Variants in OGDHL observed in about 807,000 individuals in gnomAD.
OGDHL encodes 2-oxoglutarate dehydrogenase-like, mitochondrial.
A neutral mutation model predicts 109.6 loss-of-function variants in OGDHL; 79 were observed. The ratio of observed to expected loss-of-function variants is 0.72; its 90% confidence interval spans 0.60 to 0.87. The LOEUF (loss-of-function observed/expected upper bound fraction) is 0.87. Ranked by LOEUF, OGDHL falls within the 40% of genes least tolerant of loss-of-function variation. The pLI is 0.00. For synonymous variants in OGDHL, 528 were observed against 537.2 expected (o/e 0.98, Z 0.24); for missense variants, 1,275 against 1,362.2 (o/e 0.94, Z 1.01).
rs961319862 is a variant in OGDHL at position 49,749,609 on chromosome 10, C to T, written c.987+117G>A. ...CCAGCCTCTCTCCTGCAGGCTTCTC[C>T]AATGCATCCATCTTAAGGTTTATCT... On this transcript the variant is annotated intron_variant, in intron 8 of 22. Coordinates refer to ENST00000374103, the MANE Select transcript of OGDHL (RefSeq NM_018245.3). 3.0e-5 allele frequency: 26 copies of T among 857,334 alleles called. No individual in the cohort carries two copies. The African/African-American group carries it at 4.1e-4, about 13-fold the overall frequency. 53.1% of individuals were successfully genotyped at this position (857,334 alleles called of 1,614,324 possible).
intron 15 of OGDHL, among the ~76,000 whole-genome samples, chr10:49,741,699 A>C (rs547856606): frequency 6.7e-4 from 100 of 148,894 alleles, no homozygotes; most frequent in Non-Finnish European, 1.2e-3. Flanking sequence ...ACACATCCCC[A>C]CACACCAAAC....
Position 49,756,909 on chromosome 10 carries a change from G to C in OGDHL, c.242C>G (p.Ala81Gly). 1 of 1,613,758 alleles carries C rather than the reference G, an allele frequency of 6.2e-7. No homozygotes were observed. Among genetic ancestry groups the C allele is most frequent in the Non-Finnish European group, 8.5e-7 (1 of 1,179,856 alleles). Residue 81 changes from alanine to glycine, a missense_variant, in exon 3 of 23, where the codon GCC (alanine) becomes GGC (glycine). By Grantham distance (60) the Ala-to-Gly change is moderately conservative. Transcript: ENST00000374103. ...DSFFREASEE[A>G]FSGSAQPRPP... ...CCGTGGCTGAGCAGAGCCAGAAAAG[G>C]CTTCCTCGCTGGCTTCCCTGAAGAA... is the stretch of plus-strand genomic sequence containing the variant.
At chr10:49,749,597 T>C in intron 8 of OGDHL, 129 bp downstream of exon 8, 1 of 780,170 alleles carries the variant, frequency 1.3e-6, no homozygotes, top group Non-Finnish European at 2.0e-6. Flanking sequence ...GCCTCTCTCC[T>C]GCAGGCTTCT....
At chr10:49,740,481 C>A (rs1258260) in intron 16 of OGDHL, among the ~76,000 whole-genome samples, 1 of 151,870 alleles carries the variant, frequency 6.6e-6, no homozygotes, top group Non-Finnish European at 1.5e-5. Context: ...CCCCTCAAGG[C>A]AAGGAGGTCC....
chr10:49,744,265 C>G (rs1315401889), intron 13 of OGDHL, 143 bp from the exon 14 acceptor site: 20 of 1,062,598 alleles, frequency 1.9e-5, no homozygotes, highest in Non-Finnish European at 2.1e-5. Context: ...ACCCTTGGGA[C>G]CTGGGACAGC....
At chr10:49,741,503 G>A (rs922627121) in intron 15 of OGDHL, among the ~76,000 whole-genome samples, 3 of 152,066 alleles carry the variant, frequency 2.0e-5, no homozygotes, top group African/African-American at 7.3e-5. Flanking sequence ...AGCGGACTGA[G>A]GCAGGATCTA....
intron 15 of OGDHL, among the ~76,000 whole-genome samples, chr10:49,742,389 C>CAAATACACCTACACACACATCACACA (rs138962561): frequency 2.1e-3 from 2 of 950 alleles, no homozygotes; most frequent in South Asian, 0.025. Context: ...ACACACCACA[C>CAAATACACCTACACACACATCACACA]CCCCACACAC....
chr10:49,755,529 T>C (rs12778126), intron 3 of OGDHL, among the ~76,000 whole-genome samples: 1,841 of 152,292 alleles, frequency 0.012, 28 homozygotes, highest in Non-Finnish European at 0.017. Context: ...CTGCCTTTTA[T>C]ATGTTTGAAA....
Position 49,735,293 on chromosome 10 carries a change from C to G in OGDHL, c.2968G>C (p.Val990Leu), listed in dbSNP as rs143147043. The G allele has an allele frequency of 3.0e-5, 49 of 1,614,160 alleles. No homozygotes were observed. In the African/African-American group the frequency reaches 6.1e-4, roughly 20 times the overall value. ...GTATCCAGAAACTTCTTCAGTGACA[C>G]CAGGTGAGTGTTCCTGTTTCCTGTG... ...PATGNRNTHL[V>L]SLKKFLDTAF... The change falls in exon 23 of 23, where the codon GTG becomes CTG. Residue 990 changes from valine to leucine, a missense_variant. Physicochemically the swap from Val to Leu is conservative, Grantham distance 32. Coordinates refer to ENST00000374103, the MANE Select transcript of OGDHL (RefSeq NM_018245.3).
chr10:49,743,849 A>G (rs1720351), intron 14 of OGDHL, 145 bp downstream of exon 14: 672,466 of 959,776 alleles, frequency 0.7, 237,804 homozygotes, highest in East Asian at 0.94. Context: ...GGGCACAGAC[A>G]TGGTGCCGAG....
At chr10:49,739,555 C>G (rs879411750) in intron 17 of OGDHL, 106 bp downstream of exon 17, 6 of 1,375,430 alleles carry the variant, frequency 4.4e-6, no homozygotes, top group Non-Finnish European at 5.9e-6. Context: ...CTCCAGGGGC[C>G]TGGAAGGCAT....
Position 49,735,246 on chromosome 10 carries a change from A to G in OGDHL, c.3015T>C (p.Phe1005=). The G allele has an allele frequency of 6.2e-7, 1 of 1,613,892 alleles. No homozygotes were observed. The highest frequency in any genetic ancestry group is 8.5e-7 in the Non-Finnish European group (1 of 1,179,866). ...FLDTAFNLQA[F]EGKTF ...CCCAGCTCTAAAATGTCTTGCCCTC[A>G]AAGGCCTGGAGATTGAAGGCAGTAT... The change falls in exon 23 of 23, where the codon TTT becomes TTC. Residue 1005 remains phenylalanine (F), a synonymous_variant. Transcript: ENST00000374103.
intron 18 of OGDHL, 30 bp from the exon 19 acceptor site, chr10:49,738,102 T>G (rs1590679276): frequency 6.2e-7 from 1 of 1,613,924 alleles, no homozygotes; most frequent in Non-Finnish European, 8.5e-7. Flanking sequence ...ATGGCCAGGG[T>G]GGCTGTCTGC....
intron 22 of OGDHL, 50 bp from the exon 23 acceptor site, chr10:49,735,401 C>G: frequency 6.3e-7 from 1 of 1,592,622 alleles, no homozygotes; most frequent in East Asian, 2.2e-5. Flanking sequence ...AGCCGCCCCC[C>G]AACCGCTGCC....
At position 49,742,837 on chromosome 10, in the gene OGDHL, C is replaced by G. The variant is rs1167897089; in HGVS notation, c.2003G>C (p.Gly668Ala). The change falls in exon 15 of 23, where the codon GGC becomes GCC. Residue 668 changes from glycine (G) to alanine (A), a missense_variant. Physicochemically the swap from Gly to Ala is moderately conservative, Grantham distance 60. Coordinates refer to ENST00000374103, the MANE Select transcript of OGDHL (RefSeq NM_018245.3). ...GCCCCACTGCGCTCACCTGAATGTG[C>G]CCCTCTCCACATCCTGCCCGCTGAG... is the stretch of plus-strand genomic sequence containing the variant. ...VRLSGQDVERGTFSHRHHVLH... is the reference protein window; with the variant it reads ...VRLSGQDVERATFSHRHHVLH... 2.5e-6 allele frequency: 4 copies of G among 1,612,460 alleles called. No homozygotes were observed. Among genetic ancestry groups the G allele is most frequent in the Non-Finnish European group, 3.4e-6 (4 of 1,179,616 alleles).
intron 18 of OGDHL, 43 bp from the exon 19 acceptor site, chr10:49,738,115 C>T: frequency 1.2e-6 from 2 of 1,613,988 alleles, no homozygotes; most frequent in South Asian, 2.2e-5. Context: ...CTGTCTGCTG[C>T]ACCCACACCC....
In OGDHL at chr10:49,737,986, G is replaced by A. The variant is rs1463143815; in HGVS notation, c.2478C>T (p.His826=). 8.7e-6 allele frequency: 14 copies of A among 1,614,224 alleles called. No individual in the cohort carries two copies. The East Asian group carries it at 2.2e-4, about 26-fold the overall frequency. Residue 826 remains histidine, a synonymous_variant, in exon 19 of 23, where the codon CAC becomes CAT. Coordinates refer to ENST00000374103, the MANE Select transcript of OGDHL (RefSeq NM_018245.3). ...VNCSTPANYF[H]VLRRQILLPF... is the part of the protein sequence containing the mutation. The stretch of plus-strand genomic sequence containing the variant: ...GCAGCAGGATCTGCCGGCGCAGCAC[G>A]TGGAAGTAGTTGGCCGGTGTGGAGC...
At chr10:49,755,152 G>T (rs1842843811) in intron 3 of OGDHL, among the ~76,000 whole-genome samples, 1 of 152,188 alleles carries the variant, frequency 6.6e-6, no homozygotes, top group African/African-American at 2.4e-5. Flanking sequence ...GCTGAGCCAG[G>T]AGAATCACTT....
At chr10:49,760,215 G>A (rs1008259419) in intron 1 of OGDHL, among the ~76,000 whole-genome samples, 3 of 152,224 alleles carry the variant, frequency 2.0e-5, no homozygotes, top group Non-Finnish European at 2.9e-5. Context: ...GGTGAGCTTG[G>A]GAGCCTCTGA....
Sources: allele counts gnomAD v4.1 joint callset (sites outside exome capture counted in the v4.1 genomes callset), GRCh38; gene constraint gnomAD v4.1.1; transcripts MANE v1.5; gene names NCBI Gene and HGNC (gene_info 2026-07-23, HGNC 2026-07-21).